The following NXPE2 variants were observed in gnomAD, a reference collection of about 807,000 sequenced individuals.
NXPE2 encodes the protein NXPE family member 2.
NXPE2 carries 34 observed loss-of-function variants against 34.4 expected under a neutral mutation model. That is an observed-to-expected ratio of 0.99 (90% confidence interval 0.75 to 1.31). The LOEUF (loss-of-function observed/expected upper bound fraction) is 1.31. Among genes scored for constraint, NXPE2 ranks in the 40% most tolerant of loss-of-function variants. The pLI is 0.00. For synonymous variants in NXPE2, 235 were observed against 231.3 expected, an observed-to-expected ratio of 1.02 and a Z score of -0.15; for missense variants, 649 against 672.5, an observed-to-expected ratio of 0.97 and a Z score of 0.39.
chr11:114,515,527 C>T, the NXPE2 span, among the ~76,000 whole-genome samples: 1 of 151,970 alleles, frequency 6.6e-6, no homozygotes, highest in East Asian at 1.9e-4. Context: ...GAAAATAGTT[C>T]AAATAATTAA....
the NXPE2 span, among the ~76,000 whole-genome samples, chr11:114,737,136 C>G: frequency 1.3e-4 from 20 of 152,274 alleles, no homozygotes; most frequent in African/African-American, 4.6e-4. Context: ...GACAATAGTC[C>G]AATTTCGATC....
chr11:114,694,306 A>G (rs1334492467), intron 2 of NXPE2, among the ~76,000 whole-genome samples: 1 of 152,208 alleles, frequency 6.6e-6, no homozygotes, highest in East Asian at 1.9e-4. Context: ...AAGAGGACAT[A>G]GATATCTTAT....
the NXPE2 span, among the ~76,000 whole-genome samples, chr11:114,496,913 A>G: frequency 1.3e-5 from 2 of 152,242 alleles, no homozygotes; most frequent in South Asian, 2.1e-4. Flanking sequence ...TACCAGTCAT[A>G]TAAAAGTATA....
the NXPE2 span, among the ~76,000 whole-genome samples, chr11:114,772,986 T>C: frequency 6.6e-6 from 1 of 152,170 alleles, no homozygotes; most frequent in African/African-American, 2.4e-5. Context: ...TTCAGCCTTC[T>C]CTACTACTCA....
the NXPE2 span, among the ~76,000 whole-genome samples, chr11:114,645,752 C>T: frequency 8.5e-5 from 13 of 152,128 alleles, no homozygotes; most frequent in African/African-American, 2.4e-4. Context: ...ATGACTAATA[C>T]GTATATGTGA....
At chr11:114,666,729 A>T in the NXPE2 span, among the ~76,000 whole-genome samples, 1 of 152,106 alleles carries the variant, frequency 6.6e-6, no homozygotes, top group African/African-American at 2.4e-5. Flanking sequence ...TGGCATATGC[A>T]TGTGAGAAGC....
chr11:114,492,049 A>G, the NXPE2 span, among the ~76,000 whole-genome samples: 236 of 152,224 alleles, frequency 1.6e-3, no homozygotes, highest in African/African-American at 5.3e-3. Context: ...TAGGAGATAT[A>G]CCTAATGCTA....
the NXPE2 span, chr11:114,523,030 A>G: frequency 4.4e-5 from 71 of 1,613,700 alleles, no homozygotes; most frequent in Non-Finnish European, 5.6e-5. Flanking sequence ...CTTGTAAAGT[A>G]TAACCACCAG....
chr11:114,563,089 C>T, the NXPE2 span, among the ~76,000 whole-genome samples: 1 of 152,026 alleles, frequency 6.6e-6, no homozygotes, highest in Non-Finnish European at 1.5e-5. Context: ...GCAAAAATCA[C>T]ATGATTGAGA....
the NXPE2 span, among the ~76,000 whole-genome samples, chr11:114,666,902 T>C: frequency 6.6e-6 from 1 of 152,138 alleles, no homozygotes; most frequent in South Asian, 2.1e-4. Context: ...CCCACACTTC[T>C]CTTTATAGCA....
the NXPE2 span, among the ~76,000 whole-genome samples, chr11:114,497,778 T>C: frequency 5.3e-5 from 8 of 152,224 alleles, no homozygotes; most frequent in Non-Finnish European, 1.0e-4. Context: ...TATTATGCTA[T>C]TAAGCATCGT....
the NXPE2 span, among the ~76,000 whole-genome samples, chr11:114,649,696 A>G: frequency 6.6e-6 from 1 of 152,206 alleles, no homozygotes; most frequent in Admixed American, 6.5e-5. Context: ...AACAGGTAGT[A>G]GGAGGAAATG....
chr11:114,571,031 C>G, the NXPE2 span: 1 of 1,613,254 alleles, frequency 6.2e-7, no homozygotes, highest in Non-Finnish European at 8.5e-7. Context: ...TTGTTATATC[C>G]CAGGCATCAA....
At chr11:114,710,471 G>A (rs1010622462), downstream of NXPE2, among the ~76,000 whole-genome samples, 30 of 152,214 alleles carry the variant, frequency 2.0e-4, no homozygotes, top group African/African-American at 5.8e-4. Context: ...ACAATTGTAC[G>A]CTAACAAATT....
chr11:114,632,207 ATATATG>A, the NXPE2 span, among the ~76,000 whole-genome samples: 1 of 141,306 alleles, frequency 7.1e-6, no homozygotes, highest in African/African-American at 2.6e-5. Flanking sequence ...TATACATATT[ATATATG>A]TATATGTATA....
the NXPE2 span, among the ~76,000 whole-genome samples, chr11:114,610,033 G>A: frequency 6.1e-5 from 9 of 147,702 alleles, no homozygotes; most frequent in African/African-American, 2.2e-4. Context: ...CTCGTGGGTA[G>A]GCACTTTTCC....
At chr11:114,631,527 G>A in the NXPE2 span, among the ~76,000 whole-genome samples, 3 of 115,710 alleles carry the variant, frequency 2.6e-5, no homozygotes, top group Admixed American at 1.1e-4. Flanking sequence ...CTGTTGTGGG[G>A]TGGGGGGAGG....
At chr11:114,746,280 G>A in the NXPE2 span, among the ~76,000 whole-genome samples, 17 of 152,114 alleles carry the variant, frequency 1.1e-4, no homozygotes, top group South Asian at 2.3e-3. Flanking sequence ...ATGGTAATGG[G>A]TATCATGGTA....
At chr11:114,805,808 A>G in the NXPE2 span, among the ~76,000 whole-genome samples, 2 of 152,252 alleles carry the variant, frequency 1.3e-5, no homozygotes, top group African/African-American at 4.8e-5. Context: ...TAACCTCTGC[A>G]GACTTAAATG....
Sources: allele counts gnomAD v4.1 joint callset (sites outside exome capture counted in the v4.1 genomes callset), GRCh38; gene constraint gnomAD v4.1.1; transcripts MANE v1.5; gene names NCBI Gene and HGNC (gene_info 2026-07-23, HGNC 2026-07-21).